Variants in CACNB4 observed in about 807,000 individuals in gnomAD.
CACNB4 encodes voltage-dependent L-type calcium channel subunit beta-4.
In CACNB4, 32 loss-of-function variants were observed where a neutral mutation model predicts 71.2. That is an observed-to-expected ratio of 0.45 (90% CI 0.34 to 0.60). The LOEUF is 0.60. Ranked by LOEUF, CACNB4 falls within the 20% of genes least tolerant of loss-of-function variation. CACNB4 has a pLI of 0.01. For missense variants in CACNB4, 464 were observed against 647.9 expected (o/e 0.72, Z 3.08); for synonymous variants, 231 against 236.9 (o/e 0.97, Z 0.23).
chr2:151,981,143 A>C (rs1441178954), intron 2 of CACNB4, among the ~76,000 whole-genome samples: 2 of 152,132 alleles, frequency 1.3e-5, no homozygotes, highest in Non-Finnish European at 2.9e-5. Context: ...CCACACCTCT[A>C]CCAGTGGGCG....
At chr2:151,900,800 A>T (rs890471105) in intron 2 of CACNB4, among the ~76,000 whole-genome samples, 1 of 152,078 alleles carries the variant, frequency 6.6e-6, no homozygotes, top group African/African-American at 2.4e-5. Flanking sequence ...TAAACCAGAA[A>T]CCTATTCCAA....
chr2:151,874,620 C>T (rs184134366), intron 5 of CACNB4, among the ~76,000 whole-genome samples: 74 of 152,110 alleles, frequency 4.9e-4, no homozygotes, highest in African/African-American at 1.7e-3. Flanking sequence ...ACAGTTGGTG[C>T]GGTTCTTATT....
intron 12 of CACNB4, among the ~76,000 whole-genome samples, chr2:151,849,568 C>T (rs143856562): frequency 9.3e-4 from 141 of 152,242 alleles, no homozygotes; most frequent in Middle Eastern, 3.4e-3. Context: ...TCACCATGCA[C>T]CCAGCTCTTT....
At chr2:152,019,375 T>C (rs1409556621) in intron 2 of CACNB4, among the ~76,000 whole-genome samples, 1 of 152,216 alleles carries the variant, frequency 6.6e-6, no homozygotes, top group Non-Finnish European at 1.5e-5. Context: ...AAAAGTTAGA[T>C]GTATATGAGT....
chr2:151,869,980 T>C (rs1008007225), intron 8 of CACNB4: 16 of 528,756 alleles, frequency 3.0e-5, no homozygotes, highest in Non-Finnish European at 4.6e-5. Context: ...AAGTCTCTAC[T>C]CTTTTCCTTG....
rs565202550 is a variant in CACNB4, at chr2:152,044,243, C to T, written c.147+54087G>A. 8.6e-5 allele frequency among the ~76,000 whole-genome samples: 13 copies of T among 151,952 alleles called. No homozygotes were observed. In the East Asian group the frequency reaches 9.6e-4, roughly 11 times the overall value. On this transcript the variant is annotated intron_variant, in intron 2 of 13. Transcript: ENST00000539935. ...TTATTTTTATTTTATTTTTCTGAGA[C>T]GGAGTCTTGCTCTGTCGCCCAGGTT...
intron 2 of CACNB4, among the ~76,000 whole-genome samples, chr2:151,940,741 T>C (rs1462836138): frequency 6.6e-6 from 1 of 152,210 alleles, no homozygotes. Context: ...ATTAACTGTC[T>C]ATGGTGGGCA....
chr2:151,950,187 G>T (rs2099866588), intron 2 of CACNB4, among the ~76,000 whole-genome samples: 1 of 152,066 alleles, frequency 6.6e-6, no homozygotes, highest in African/African-American at 2.4e-5. Context: ...AGTGGGAGAT[G>T]GACCTGGGGA....
chr2:151,915,551 ATGTGCTCG>A (rs2099857254), intron 2 of CACNB4, among the ~76,000 whole-genome samples: 1 of 152,182 alleles, frequency 6.6e-6, no homozygotes, highest in Non-Finnish European at 1.5e-5. Context: ...GGCTGTAAGA[ATGTGCTCG>A]TGGCCAGGCA....
At chr2:151,902,745 A>C (rs960351110) in intron 2 of CACNB4, among the ~76,000 whole-genome samples, 24 of 151,994 alleles carry the variant, frequency 1.6e-4, no homozygotes, top group African/African-American at 4.8e-4. Flanking sequence ...GGCTTCATAT[A>C]GTCTTCTAAG....
chr2:152,066,400 C>T (rs534261755), intron 2 of CACNB4, among the ~76,000 whole-genome samples: 9 of 152,268 alleles, frequency 5.9e-5, no homozygotes, highest in East Asian at 3.9e-4. Flanking sequence ...AAAATGCTCA[C>T]TATCACTGGC....
At chr2:152,022,029 A>T (rs1314491954) in intron 2 of CACNB4, among the ~76,000 whole-genome samples, 1 of 152,222 alleles carries the variant, frequency 6.6e-6, no homozygotes, top group African/African-American at 2.4e-5. Flanking sequence ...ATTAAAAAGC[A>T]CATTTACAGA....
chr2:152,009,949 C>T (rs887916340), intron 2 of CACNB4, among the ~76,000 whole-genome samples: 1 of 152,222 alleles, frequency 6.6e-6, no homozygotes, highest in African/African-American at 2.4e-5. Flanking sequence ...TCTCTGCCTT[C>T]CCTGTGTTGA....
intron 2 of CACNB4, among the ~76,000 whole-genome samples, chr2:151,965,489 CA>C (rs1180349259): frequency 6.6e-6 from 1 of 151,966 alleles, no homozygotes; most frequent in Non-Finnish European, 1.5e-5. Context: ...TAGGACATCC[CA>C]AAGGATAATA....
intron 2 of CACNB4, among the ~76,000 whole-genome samples, chr2:152,086,989 G>A (rs539889872): frequency 5.9e-4 from 90 of 152,224 alleles, no homozygotes; most frequent in African/African-American, 2.1e-3. Flanking sequence ...AAAATTAGCC[G>A]GGCATGCTGG....
Position 152,098,564 on chromosome 2 carries a change from G to GCCCCCACCCC in CACNB4, c.64-161_64-152dup. ...GTCTCCTCCGCGACTCCCAAATACA[G>GCCCCCACCCC]CCCCCACCCCCACCCACCCACTGCA... On this transcript the variant is annotated intron_variant, in intron 1 of 13. Transcript: ENST00000539935. The surrounding 1 kb of genome is among the most constrained non-coding windows in gnomAD (Gnocchi z 5.3). 1.1e-6 allele frequency: 1 copy of GCCCCCACCCC among 931,268 alleles called. No homozygotes were observed. Among genetic ancestry groups the GCCCCCACCCC allele is most frequent in the Non-Finnish European group, 1.7e-6 (1 of 583,194 alleles). The allele number at this position is 931,268 out of a possible 1,614,324, so 57.7% of individuals were successfully genotyped here. A position where few individuals can be genotyped will look rare whatever the true frequency, so the allele number is the denominator to read the frequency against.
At chr2:151,869,945 A>G (rs1307461978) in intron 8 of CACNB4, 1 of 468,516 alleles carries the variant, frequency 2.1e-6, no homozygotes, top group Non-Finnish European at 3.8e-6. Flanking sequence ...AAGCTAGCAC[A>G]AAGTCAAAAC....
At chr2:151,992,030 G>GC (rs1239606572) in intron 2 of CACNB4, among the ~76,000 whole-genome samples, 1 of 152,146 alleles carries the variant, frequency 6.6e-6, no homozygotes, top group Non-Finnish European at 1.5e-5. Flanking sequence ...CTCCAGAATG[G>GC]CCCCCCTGAA....
At chr2:151,983,689 A>T (rs1023721982) in intron 2 of CACNB4, among the ~76,000 whole-genome samples, 12 of 151,862 alleles carry the variant, frequency 7.9e-5, no homozygotes, top group African/African-American at 2.4e-4. Flanking sequence ...ACACACACAC[A>T]CACACACACA....
Sources: gnomAD v4.1 joint callset for allele counts (sites outside exome capture counted in the v4.1 genomes callset) on GRCh38, gnomAD v4.1.1 for gene constraint, Gnocchi (gnomAD v3.1) non-coding constraint, MANE v1.5 for transcripts, NCBI Gene and HGNC (gene_info 2026-07-23, HGNC 2026-07-21) for gene names.